Variants in SMARCB1 observed in about 807,000 individuals in gnomAD.
SMARCB1 encodes SWI/SNF related BAF chromatin remodeling complex subunit B1, also known as SWI/SNF-related matrix-associated actin-dependent regulator of chromatin subfamily B member 1.
SMARCB1 carries 5 observed loss-of-function variants against 49.0 expected under a neutral mutation model. The observed-to-expected ratio is 0.10, with a 90% CI of 0.05 to 0.21. The LOEUF is 0.21. SMARCB1 is among the 10% of genes least tolerant of loss of function. SMARCB1 has a pLI of 1.00. For synonymous variants in SMARCB1, 201 were observed against 200.1 expected, an observed-to-expected ratio of 1.00 and a Z score of -0.04; for missense variants, 226 against 509.2, an observed-to-expected ratio of 0.44 and a Z score of 5.35.
In SMARCB1 at chr22:23,807,505, G is replaced by T. The variant is rs369726118; in HGVS notation, c.628+4083G>T. ...TGGGAGGATAGCTTGAGCCCGGGAG[G>T]TTGAGGCTTCAGTGAGCCGTGATTG... On this transcript the variant is annotated intron_variant, in intron 5 of 8. Transcript: ENST00000644036. Among the ~76,000 whole-genome samples the T allele has an allele frequency of 1.4e-4, 22 of 152,088 alleles. No homozygotes were observed. The East Asian group carries it at 3.9e-3, about 27-fold the overall frequency.
At chr22:23,801,188 TC>T in intron 4 of SMARCB1, 107 bp downstream of exon 4, 1 of 1,499,504 alleles carries the variant, frequency 6.7e-7, no homozygotes, top group East Asian at 2.3e-5. Context: ...GACCTTGTGC[TC>T]CCCACAACGC....
chr22:23,787,375 G>A (rs1440621494), intron 1 of SMARCB1, 113 bp downstream of exon 1: 1 of 507,084 alleles, frequency 2.0e-6, no homozygotes, highest in Admixed American at 4.6e-5. Context: ...GGGCGCGCGC[G>A]CGCGCGCTCG....
chr22:23,824,658 G>A (rs182884184), intron 6 of SMARCB1: 14 of 162,192 alleles, frequency 8.6e-5, no homozygotes, highest in Admixed American at 5.1e-4. Context: ...GTCACGTGCT[G>A]CAGGGAGTCC....
intron 4 of SMARCB1, chr22:23,802,823 T>G: frequency 3.3e-6 from 1 of 301,712 alleles, no homozygotes; most frequent in South Asian, 3.1e-5. Context: ...CTGTGGGTGC[T>G]TCGACACCCG....
At chr22:23,808,994 G>C (rs9612439) in intron 5 of SMARCB1, among the ~76,000 whole-genome samples, 19,114 of 151,196 alleles carry the variant, frequency 0.13, 1,356 homozygotes, top group South Asian at 0.28. Context: ...CACTGTGCTC[G>C]GCCAATTTTT....
intron 6 of SMARCB1, among the ~76,000 whole-genome samples, chr22:23,821,631 CCTGAGCTCA>C (rs2030092153): frequency 6.6e-6 from 1 of 152,142 alleles, no homozygotes; most frequent in Non-Finnish European, 1.5e-5. Context: ...GGGCAGATTG[CCTGAGCTCA>C]GGAGTTCGAG....
Position 23,816,948 on chromosome 22 carries a change from C to A in SMARCB1, c.795+12C>A, listed in dbSNP as rs2146010705. On this transcript the variant is annotated intron_variant, in intron 6 of 8. Coordinates refer to ENST00000644036, the MANE Select transcript of SMARCB1 (RefSeq NM_003073.5). ...GCGTCATCATCAAGGTAGGTGACTT[C>A]TCACCCAGCACTGGAGCCTTCCTGG... 6.2e-7 allele frequency: 1 copy of A among 1,612,194 alleles called. No homozygotes were observed. Among genetic ancestry groups the A allele is most frequent in the Non-Finnish European group, 8.5e-7 (1 of 1,178,856 alleles).
chr22:23,814,995 A>T (rs34243206), intron 5 of SMARCB1: 1 of 151,822 alleles, frequency 6.6e-6, no homozygotes, highest in Non-Finnish European at 1.5e-5. Flanking sequence ...AAGGCAAAAG[A>T]CAGGAAGAGA....
In SMARCB1 at chr22:23,816,782, C is replaced by G. The variant is rs780906523; in HGVS notation, c.641C>G (p.Thr214Arg). The stretch of plus-strand genomic sequence containing the variant: ...CTCCTGATTTCAGAGAAGTTGATGA[C>G]GCCTGAGATGTTTTCAGAAATCCTC... The part of the protein sequence containing the change: ...FTWNMNEKLM[T>R]PEMFSEILCD... The change falls in exon 6 of 9, where the codon ACG becomes AGG. Residue 214 changes from threonine to arginine, a missense_variant. Around this residue, in one of 6 missense-constraint regions of SMARCB1, gnomAD observed 128 missense variants for 263.9 expected, o/e 0.49. Coordinates refer to ENST00000644036, the MANE Select transcript of SMARCB1 (RefSeq NM_003073.5). The G allele has an allele frequency of 1.2e-6, 2 of 1,613,756 alleles. No homozygotes were observed. Among genetic ancestry groups the G allele is most frequent in the Non-Finnish European group, 1.7e-6 (2 of 1,179,908 alleles).
At chr22:23,803,508 C>G in intron 5 of SMARCB1, 86 bp downstream of exon 5, 1 of 1,515,456 alleles carries the variant, frequency 6.6e-7, no homozygotes, top group Non-Finnish European at 9.1e-7. Context: ...AGCTGCCTGT[C>G]AGGCAGATTC....
At chr22:23,791,120 C>T (rs1335996728) in intron 1 of SMARCB1, among the ~76,000 whole-genome samples, 1 of 152,096 alleles carries the variant, frequency 6.6e-6, no homozygotes, top group African/African-American at 2.4e-5. Flanking sequence ...AATAGGGTAC[C>T]CTCATAAAAA....
Position 23,836,956 on chromosome 22 carries a change from CAG to C in SMARCB1, c.*2777_*2778del. Reference sequence around the variant, plus strand: ...GGTCTTCTGCAGGGGCATCCAGGAGCAGCTTTCTGTGGGGAGGGGCCCGTGTT... The same window carrying C: ...GGTCTTCTGCAGGGGCATCCAGGAGCCTTTCTGTGGGGAGGGGCCCGTGTT... On this transcript the variant is annotated 3_prime_UTR_variant, in exon 9 of 9. Coordinates refer to ENST00000644036, the MANE Select transcript of SMARCB1 (RefSeq NM_003073.5). The C allele has an allele frequency of 6.3e-7, 1 of 1,595,702 alleles. No homozygotes were observed. Among genetic ancestry groups the C allele is most frequent in the Non-Finnish European group, 8.5e-7 (1 of 1,171,608 alleles).
rs936324475 is a variant in SMARCB1 at position 23,836,496 on chromosome 22, C to T, written c.*2316C>T. 8 of 1,010,440 alleles carry T rather than the reference C, an allele frequency of 7.9e-6. No homozygotes were observed. Among genetic ancestry groups the T allele is most frequent in the Admixed American group, 5.9e-5 (1 of 16,882 alleles). The allele number at this position is 1,010,440 out of a possible 1,614,324, so 62.6% of individuals were successfully genotyped here. A position where few individuals can be genotyped will look rare whatever the true frequency, so the allele number is the denominator to read the frequency against. On this transcript the variant is annotated 3_prime_UTR_variant, in exon 9 of 9. Coordinates refer to ENST00000644036, the MANE Select transcript of SMARCB1 (RefSeq NM_003073.5). The stretch of plus-strand genomic sequence containing the variant: ...ATGGTGGGCAGGACTTGCCCAAGGC[C>T]CTGGTGGGGCCAGGATGAGAACCCT...
At chr22:23,825,732 A>C in intron 7 of SMARCB1, 1 of 394,160 alleles carries the variant, frequency 2.5e-6, no homozygotes, top group Non-Finnish European at 4.6e-6. Context: ...CCTGCCCCAC[A>C]CCCTCTCTCT....
At chr22:23,803,127 G>A (rs990281486) in intron 4 of SMARCB1, 168 bp from the exon 5 acceptor site, 1 of 811,998 alleles carries the variant, frequency 1.2e-6, no homozygotes, top group African/African-American at 1.7e-5. Context: ...TTAGACCGTG[G>A]CCCCGGGACC....
chr22:23,803,316 T>G lies in SMARCB1; in HGVS notation c.522T>G (p.Ala174=). The G allele has an allele frequency of 6.2e-7, 1 of 1,614,186 alleles. No homozygotes were observed. The highest frequency in any genetic ancestry group is 8.5e-7 in the Non-Finnish European group (1 of 1,180,040). ...TCAGCTTTGATGACCATGACCCAGC[T>G]GTGATCCATGAGAACGCATCTCAGC... The part of the protein sequence containing the change: ...FPLCFDDHDP[A]VIHENASQPE... Residue 174 remains alanine (A), a synonymous_variant, in exon 5 of 9, where the codon GCT becomes GCG. Coordinates refer to ENST00000644036, the MANE Select transcript of SMARCB1 (RefSeq NM_003073.5).
chr22:23,793,311 A>C (rs1361495578), intron 2 of SMARCB1: 1 of 577,700 alleles, frequency 1.7e-6, no homozygotes, highest in Non-Finnish European at 3.2e-6. Context: ...CTCTGCCCCG[A>C]GCCAGTGCTC....
intron 5 of SMARCB1, among the ~76,000 whole-genome samples, chr22:23,806,567 T>A (rs1929509741): frequency 6.6e-6 from 1 of 152,150 alleles, no homozygotes; most frequent in Non-Finnish European, 1.5e-5. Context: ...ACAGAGGGAT[T>A]AAATATGTGA....
intron 3 of SMARCB1, among the ~76,000 whole-genome samples, chr22:23,797,746 T>A (rs1928869841): frequency 6.8e-6 from 1 of 147,900 alleles, no homozygotes; most frequent in South Asian, 2.2e-4. Flanking sequence ...GCCTCCCAAG[T>A]AGCTGGGATT....
Sources: allele counts gnomAD v4.1 joint callset (sites outside exome capture counted in the v4.1 genomes callset), GRCh38; gene constraint gnomAD v4.1.1; regional missense constraint gnomAD v4.1.1; transcripts MANE v1.5; gene names NCBI Gene and HGNC (gene_info 2026-07-23, HGNC 2026-07-21).